Variants in ADAMTS19 observed in about 807,000 individuals in gnomAD.
The protein encoded by ADAMTS19 is A disintegrin and metalloproteinase with thrombospondin motifs 19.
ADAMTS19 carries 93 observed loss-of-function variants against 153.3 expected under a neutral mutation model. The observed-to-expected ratio is 0.61, with a 90% CI of 0.51 to 0.72. The LOEUF is 0.72. Ranked by LOEUF, ADAMTS19 falls within the 30% of genes least tolerant of loss-of-function variation. ADAMTS19 has a pLI of 0.00. For synonymous variants in ADAMTS19, 600 were observed against 556.6 expected, an observed-to-expected ratio of 1.08 and a Z score of -1.10; for missense variants, 1,482 against 1,552.1, an observed-to-expected ratio of 0.95 and a Z score of 0.76.
At chr5:129,533,982 C>G (rs1449802689) in intron 6 of ADAMTS19, among the ~76,000 whole-genome samples, 2 of 151,996 alleles carry the variant, frequency 1.3e-5, no homozygotes, top group East Asian at 3.9e-4. Flanking sequence ...AATTTCTGTT[C>G]TTTTATATTT....
intron 7 of ADAMTS19, among the ~76,000 whole-genome samples, chr5:129,572,326 G>A (rs1370723543): frequency 6.6e-6 from 1 of 151,880 alleles, no homozygotes; most frequent in Non-Finnish European, 1.5e-5. Context: ...TGCTGGGAAT[G>A]GAAAACTTCA....
intron 18 of ADAMTS19, among the ~76,000 whole-genome samples, chr5:129,684,745 T>C (rs982916): frequency 0.046 from 6,937 of 151,934 alleles, 485 homozygotes; most frequent in African/African-American, 0.15. Context: ...CCCAGCACTC[T>C]GGGAGGCCGA....
At chr5:129,676,720 G>A (rs1340220411) in intron 16 of ADAMTS19, among the ~76,000 whole-genome samples, 1 of 152,150 alleles carries the variant, frequency 6.6e-6, no homozygotes, top group Non-Finnish European at 1.5e-5. Context: ...ATTTCTAAAA[G>A]CACATTTTTT....
chr5:129,655,783 C>A (rs1340696164), intron 14 of ADAMTS19, among the ~76,000 whole-genome samples: 1 of 152,180 alleles, frequency 6.6e-6, no homozygotes, highest in Non-Finnish European at 1.5e-5. Flanking sequence ...TTTCTCAGCT[C>A]TGAGATTCCA....
intron 10 of ADAMTS19, among the ~76,000 whole-genome samples, chr5:129,633,666 G>T (rs1752407727): frequency 6.6e-6 from 1 of 152,068 alleles, no homozygotes; most frequent in African/African-American, 2.4e-5. Flanking sequence ...TCTGGATTCT[G>T]TTATATTCCT....
chr5:129,633,227 T>G (rs1752383684), intron 10 of ADAMTS19, among the ~76,000 whole-genome samples: 1 of 152,090 alleles, frequency 6.6e-6, no homozygotes, highest in South Asian at 2.1e-4. Context: ...TTCAATTTAC[T>G]TTTTTTAAAC....
At chr5:129,684,555 A>G (rs994423313) in intron 18 of ADAMTS19, among the ~76,000 whole-genome samples, 1 of 117,866 alleles carries the variant, frequency 8.5e-6, no homozygotes, top group Non-Finnish European at 1.9e-5. Context: ...GTATTAATAT[A>G]TTTGTTTACA....
At chr5:129,616,742 G>A (rs934856700) in intron 8 of ADAMTS19, among the ~76,000 whole-genome samples, 2 of 152,072 alleles carry the variant, frequency 1.3e-5, no homozygotes, top group Non-Finnish European at 2.9e-5. Context: ...TGCAGTGTGA[G>A]GAGAGGTGTT....
chr5:129,515,508 A>C (rs1751573474), intron 3 of ADAMTS19, among the ~76,000 whole-genome samples: 1 of 151,524 alleles, frequency 6.6e-6, no homozygotes, highest in African/African-American at 2.4e-5. Context: ...GAGGTCTTTC[A>C]CTTCTTTGGT....
Position 129,461,151 on chromosome 5 carries a change from G to T in ADAMTS19, c.141G>T (p.Ala47=). The change falls in exon 2 of 23, where the codon GCG becomes GCT. Residue 47 remains alanine (A), a synonymous_variant. Transcript: ENST00000274487. The surrounding 1 kb of genome is among the most constrained non-coding windows in gnomAD (Gnocchi z 4.6). The part of the protein sequence containing the change: ...DREEWEVVFP[A]LWRREPVDPA... ...AGGAGTGGGAAGTCGTGTTTCCTGC[G>T]CTCTGGCGCCGGGAGCCGGTGGACC... The T allele has an allele frequency of 5.7e-6, 8 of 1,409,352 alleles. No homozygotes were observed. Among genetic ancestry groups the T allele is most frequent in the South Asian group, 1.5e-5 (1 of 64,782 alleles). 87.3% of individuals were successfully genotyped at this position (1,409,352 alleles called of 1,614,324 possible).
In ADAMTS19 at chr5:129,576,806, G is replaced by A. The variant is rs556451312; in HGVS notation, c.1373-19753G>A. On this transcript the variant is annotated intron_variant, in intron 7 of 22. Transcript: ENST00000274487. ...TTTGGTGGCCAACCATGCAGTTGGCGAGTGCAACTTAAGCATATTGGCTGA... is the reference window on the plus strand; with the variant it reads ...TTTGGTGGCCAACCATGCAGTTGGCAAGTGCAACTTAAGCATATTGGCTGA... Among the ~76,000 whole-genome samples the A allele has an allele frequency of 3.3e-5, 5 of 152,132 alleles. No individual in the cohort carries two copies. In the East Asian group the frequency reaches 7.8e-4, roughly 24 times the overall value.
intron 21 of ADAMTS19, among the ~76,000 whole-genome samples, chr5:129,715,061 A>G (rs1756663797): frequency 1.3e-5 from 2 of 152,222 alleles, no homozygotes; most frequent in Non-Finnish European, 1.5e-5. Context: ...AGAGTTATGT[A>G]GTGTCAACAA....
At chr5:129,709,043 T>A (rs532429857) in intron 21 of ADAMTS19, among the ~76,000 whole-genome samples, 1 of 152,184 alleles carries the variant, frequency 6.6e-6, no homozygotes, top group South Asian at 2.1e-4. Flanking sequence ...TTTTAACTTA[T>A]CCTCCAAAAG....
chr5:129,678,976 TTTAAA>T (rs1233456691), intron 16 of ADAMTS19, among the ~76,000 whole-genome samples: 1 of 152,144 alleles, frequency 6.6e-6, no homozygotes, highest in Non-Finnish European at 1.5e-5. Context: ...AGTCTAAAAG[TTTAAA>T]TTAAACACTA....
chr5:129,540,127 G>A (rs1235334507), intron 6 of ADAMTS19, among the ~76,000 whole-genome samples: 1 of 152,030 alleles, frequency 6.6e-6, no homozygotes, highest in Non-Finnish European at 1.5e-5. Flanking sequence ...ATCCATATTT[G>A]GCAGAGTAAA....
At chr5:129,568,351 A>G (rs1753783821) in intron 7 of ADAMTS19, among the ~76,000 whole-genome samples, 1 of 98,104 alleles carries the variant, frequency 1.0e-5, no homozygotes. Context: ...TAAGACAACA[A>G]CAGTAATACA....
chr5:129,690,451 TA>T (rs998461069), intron 18 of ADAMTS19, among the ~76,000 whole-genome samples: 1 of 152,220 alleles, frequency 6.6e-6, no homozygotes, highest in Non-Finnish European at 1.5e-5. Flanking sequence ...GTGATCTCAT[TA>T]AAATATTTGC....
In ADAMTS19 at chr5:129,735,073, A is replaced by C; in HGVS notation, c.3454A>C (p.Lys1152Gln). ...RPCHLQPCNEKINVNTITSPR... is the reference protein window; with the variant it reads ...RPCHLQPCNEQINVNTITSPR... ...ATGCCATCTTCAACCCTGCAATGAG[A>C]AAATTAATGTAAATACCATAACATC... Residue 1152 changes from lysine (K) to glutamine (Q), a missense_variant, in exon 22 of 23, where the codon AAA (lysine) becomes CAA (glutamine). By Grantham distance (53) the Lys-to-Gln change is moderately conservative. Around this residue, in one of 2 missense-constraint regions of ADAMTS19, gnomAD observed 616 missense variants for 724.4 expected, o/e 0.85. Coordinates refer to ENST00000274487, the MANE Select transcript of ADAMTS19 (RefSeq NM_133638.6). 6.2e-7 allele frequency: 1 copy of C among 1,604,572 alleles called. No homozygotes were observed. Among genetic ancestry groups the C allele is most frequent in the Non-Finnish European group, 8.5e-7 (1 of 1,176,746 alleles).
rs138811204 is a variant in ADAMTS19, at chr5:129,505,766, A to C, written c.748-3311A>C. Among the ~76,000 whole-genome samples, 1,514 of 152,306 alleles carry C rather than the reference A, an allele frequency of 9.9e-3. 27 individuals carry two copies. Among genetic ancestry groups the C allele is most frequent in the African/African-American group, 0.033 (1,385 of 41,586 alleles). On this transcript the variant is annotated intron_variant, in intron 2 of 22. Transcript: ENST00000274487. The stretch of plus-strand genomic sequence containing the variant: ...AAATGACAAAAGAACAGATGTCATC[A>C]TATAAGAAAATGCCTATGAAGATAG...
Sources: gnomAD v4.1 joint callset for allele counts (sites outside exome capture counted in the v4.1 genomes callset) on GRCh38, gnomAD v4.1.1 for gene constraint, gnomAD v4.1.1 regional missense constraint, Gnocchi (gnomAD v3.1) non-coding constraint, MANE v1.5 for transcripts, NCBI Gene and HGNC (gene_info 2026-07-23, HGNC 2026-07-21) for gene names.